Variants in ODAD2 observed in about 807,000 individuals in gnomAD.
ODAD2 encodes the protein outer dynein arm docking complex subunit 2.
In ODAD2, 89 loss-of-function variants were observed where a neutral mutation model predicts 106.8. The observed-to-expected ratio is 0.83, with a 90% CI of 0.70 to 0.99. The LOEUF is 0.99. Ranked by LOEUF, ODAD2 falls within the 50% of genes least tolerant of loss-of-function variation. The pLI, the probability that ODAD2 is intolerant of heterozygous loss-of-function variation, is 0.00. For missense variants in ODAD2, 1,168 were observed against 1,238.5 expected, an observed-to-expected ratio of 0.94 and a Z score of 0.85; for synonymous variants, 404 against 436.2, an observed-to-expected ratio of 0.93 and a Z score of 0.92.
chr10:27,913,704 T>A (rs1844168110), intron 16 of ODAD2, among the ~76,000 whole-genome samples: 1 of 152,150 alleles, frequency 6.6e-6, no homozygotes, highest in South Asian at 2.1e-4. Flanking sequence ...AAAGAAGACA[T>A]ACACGTGGCC....
Position 27,944,409 on chromosome 10 carries a change from T to C in ODAD2, c.1556A>G (p.Lys519Arg). Residue 519 changes from lysine to arginine, a missense_variant, in exon 12 of 20, where the codon AAG becomes AGG. By Grantham distance (26) the Lys-to-Arg change is conservative (BLOSUM62 2). Around this residue, in one of 3 missense-constraint regions of ODAD2, gnomAD observed 701 missense variants for 712.3 expected, o/e 0.98. Coordinates refer to ENST00000305242, the MANE Select transcript of ODAD2 (RefSeq NM_018076.5). ...KCKIGSLKIL[K>R]EISHNPQIRQ... ...GATTTGAGGATTATGACTGATTTCC[T>C]TCAGTATTTTTAATGAACCAATCTG... The C allele has an allele frequency of 1.2e-6, 2 of 1,613,702 alleles. No individual in the cohort carries two copies. The highest frequency in any genetic ancestry group is 2.2e-5 in the South Asian group (2 of 91,070).
Position 27,820,161 on chromosome 10 carries a change from C to A in ODAD2, c.3022-7536G>T, listed in dbSNP as rs79407975. On this transcript the variant is annotated intron_variant, in intron 19 of 19. Coordinates refer to ENST00000305242, the MANE Select transcript of ODAD2 (RefSeq NM_018076.5). ...CTGTCAGCACCTGCTCCAGGCCCTGCCTTGTCGCTGGCTGACCTCCATGGA... is the reference window on the plus strand; with the variant it reads ...CTGTCAGCACCTGCTCCAGGCCCTGACTTGTCGCTGGCTGACCTCCATGGA... Among the ~76,000 whole-genome samples the A allele has an allele frequency of 8.7e-3, 1,328 of 152,192 alleles. 4 individuals are homozygous for A. Among genetic ancestry groups the A allele is most frequent in the Non-Finnish European group, 0.015 (987 of 68,018 alleles).
At chr10:27,827,379 C>CACTATATATATATATATATATATA (rs1239159370) in intron 19 of ODAD2, among the ~76,000 whole-genome samples, 4 of 132,470 alleles carry the variant, frequency 3.0e-5, no homozygotes, top group African/African-American at 9.0e-5. Context: ...CACACACACA[C>CACTATATATATATATATATATATA]TATATATATA....
intron 17 of ODAD2, among the ~76,000 whole-genome samples, chr10:27,898,617 A>G (rs1842995429): frequency 6.6e-6 from 1 of 152,136 alleles, no homozygotes. Context: ...CAGTTGGCTT[A>G]TTTCTTTCCC....
chr10:27,842,448 C>A (rs1024716104), intron 19 of ODAD2, among the ~76,000 whole-genome samples: 2 of 152,152 alleles, frequency 1.3e-5, no homozygotes, highest in African/African-American at 4.8e-5. Context: ...GATTGTGCCT[C>A]CAATTAGCAA....
At chr10:27,840,024 T>A (rs746054469) in intron 19 of ODAD2, among the ~76,000 whole-genome samples, 48 of 152,178 alleles carry the variant, frequency 3.2e-4, no homozygotes, top group Non-Finnish European at 5.9e-4. Context: ...ATAATTTACA[T>A]CGATTTAACT....
chr10:27,819,833 TAAA>T (rs34381002), intron 19 of ODAD2, among the ~76,000 whole-genome samples: 19 of 145,130 alleles, frequency 1.3e-4, no homozygotes, highest in African/African-American at 3.0e-4. Context: ...CTTATCTCTT[TAAA>T]AAAAAAAAAA....
At chr10:27,984,626 G>C (rs1400303864) in intron 4 of ODAD2, among the ~76,000 whole-genome samples, 8 of 152,086 alleles carry the variant, frequency 5.3e-5, no homozygotes, top group Non-Finnish European at 8.8e-5. Context: ...ATAGTCTTGA[G>C]AGCATTTGAA....
chr10:27,846,999 G>A (rs548902948), intron 19 of ODAD2, among the ~76,000 whole-genome samples: 1 of 152,318 alleles, frequency 6.6e-6, no homozygotes, highest in East Asian at 1.9e-4. Context: ...GAAGTACAAG[G>A]AGGAGCGGGG....
intron 10 of ODAD2, among the ~76,000 whole-genome samples, chr10:27,954,170 G>A (rs536604077): frequency 3.0e-4 from 46 of 152,136 alleles, no homozygotes; most frequent in Non-Finnish European, 5.6e-4. Flanking sequence ...TCTGTAACAG[G>A]CCATGAGTGT....
chr10:27,962,778 G>A (rs940853720), intron 9 of ODAD2, among the ~76,000 whole-genome samples: 2 of 151,978 alleles, frequency 1.3e-5, no homozygotes, highest in Admixed American at 6.6e-5. Flanking sequence ...GCCTCCCACC[G>A]CCGGATGCCA....
chr10:27,886,406 C>T (rs1055425891), intron 17 of ODAD2, among the ~76,000 whole-genome samples: 1 of 151,814 alleles, frequency 6.6e-6, no homozygotes, highest in African/African-American at 2.4e-5. Flanking sequence ...ACTGAACATT[C>T]GATATTGATC....
intron 10 of ODAD2, among the ~76,000 whole-genome samples, chr10:27,953,562 A>AAG (rs1394316580): frequency 3.3e-5 from 5 of 152,208 alleles, no homozygotes; most frequent in African/African-American, 1.2e-4. Flanking sequence ...CAATAAGGCA[A>AAG]TTGTTCAATA....
intron 11 of ODAD2, 62 bp from the exon 12 acceptor site, chr10:27,944,493 C>G (rs186687205): frequency 2.2e-4 from 310 of 1,427,102 alleles, no homozygotes; most frequent in Non-Finnish European, 8.7e-5. Flanking sequence ...TTTAAAAATT[C>G]CGAGTATACC....
intron 19 of ODAD2, among the ~76,000 whole-genome samples, chr10:27,818,359 CCTT>C (rs1354888224): frequency 6.6e-6 from 1 of 152,074 alleles, no homozygotes; most frequent in Non-Finnish European, 1.5e-5. Flanking sequence ...TTTTCTCACT[CCTT>C]CTCCCAAGTA....
At chr10:27,963,592 T>C (rs1473522549) in intron 9 of ODAD2, among the ~76,000 whole-genome samples, 4 of 152,070 alleles carry the variant, frequency 2.6e-5, no homozygotes, top group Non-Finnish European at 5.9e-5. Flanking sequence ...AAAACTATTT[T>C]TCCCCCCACT....
Position 27,987,517 on chromosome 10 carries a change from ACTT to A in ODAD2, c.248_250del (p.Glu83del), listed in dbSNP as rs1564580814. 3.1e-6 allele frequency: 5 copies of A among 1,611,992 alleles called. No homozygotes were observed. Among genetic ancestry groups the A allele is most frequent in the Admixed American group, 1.7e-5 (1 of 59,688 alleles). ...TAGCAAAGGCTGTCCATTTTTATCA[ACTT>A]CTTCTGATTTGACTGTTGTTTCACT... On this transcript the variant is annotated inframe_deletion, in exon 3 of 20. Transcript: ENST00000305242.
intron 16 of ODAD2, among the ~76,000 whole-genome samples, chr10:27,934,516 T>C (rs959995890): frequency 2.0e-5 from 3 of 151,700 alleles, no homozygotes; most frequent in Admixed American, 6.6e-5. Flanking sequence ...TTTTGTTCTA[T>C]TGTTCTTAAA....
intron 10 of ODAD2, among the ~76,000 whole-genome samples, chr10:27,951,772 A>G (rs549671082): frequency 6.6e-6 from 1 of 152,234 alleles, no homozygotes; most frequent in Non-Finnish European, 1.5e-5. Context: ...AATGTACAAA[A>G]GAGTAGACAA....
Sources: gnomAD v4.1 joint callset for allele counts (sites outside exome capture counted in the v4.1 genomes callset) on GRCh38, gnomAD v4.1.1 for gene constraint, gnomAD v4.1.1 regional missense constraint, MANE v1.5 for transcripts, NCBI Gene and HGNC (gene_info 2026-07-23, HGNC 2026-07-21) for gene names.